SPOCK1: variants seen among roughly 807,000 people sequenced by gnomAD.
SPOCK1 encodes the protein SPARC (osteonectin), cwcv and kazal like domains proteoglycan 1.
A neutral mutation model predicts 55.3 loss-of-function variants in SPOCK1; 23 were observed. The observed-to-expected ratio is 0.42, with a 90% CI of 0.30 to 0.59. SPOCK1 has a LOEUF of 0.59. Among genes scored for constraint, SPOCK1 ranks in the 20% least tolerant of loss-of-function variants. The pLI is 0.22. For missense variants in SPOCK1, 499 were observed against 552.5 expected (o/e 0.90, Z 0.97); for synonymous variants, 226 against 221.0 (o/e 1.02, Z -0.20).
Position 137,140,640 on chromosome 5 carries a change from A to G in SPOCK1, c.287T>C (p.Val96Ala), listed in dbSNP as rs754046274. The G allele has an allele frequency of 3.7e-6, 6 of 1,612,492 alleles. No homozygotes were observed. In the South Asian group the frequency reaches 5.5e-5, roughly 15 times the overall value. The change falls in exon 4 of 11, where the codon GTG becomes GCG. Residue 96 changes from valine to alanine, a missense_variant. Val to Ala is a moderately conservative substitution (Grantham distance 64). Transcript: ENST00000394945. ...CLKVKCSPHK[V>A]CVTQDYQTAL... ...GGTCTGGTAGTCCTGGGTCACACAC[A>G]CTTTGTGAGGGCTGCATTTTACCTT...
intron 5 of SPOCK1, among the ~76,000 whole-genome samples, chr5:137,098,850 C>A (rs1413449164): frequency 6.6e-6 from 1 of 152,328 alleles, no homozygotes; most frequent in South Asian, 2.1e-4. Flanking sequence ...CCACCGGGTC[C>A]ACAGGCTCCA....
At chr5:136,986,829 T>C (rs1214321351) in intron 8 of SPOCK1, among the ~76,000 whole-genome samples, 6 of 152,200 alleles carry the variant, frequency 3.9e-5, no homozygotes, top group Admixed American at 3.9e-4. Context: ...TTCCATATTA[T>C]ACAGCTATTG....
chr5:137,182,439 A>G (rs1371240971), intron 3 of SPOCK1, among the ~76,000 whole-genome samples: 3 of 152,200 alleles, frequency 2.0e-5, no homozygotes, highest in African/African-American at 7.2e-5. Flanking sequence ...TTATTCAACA[A>G]ATATTTGCCA....
chr5:137,320,866 G>A (rs1296194017), intron 2 of SPOCK1, among the ~76,000 whole-genome samples: 1 of 152,108 alleles, frequency 6.6e-6, no homozygotes, highest in Admixed American at 6.5e-5. Context: ...ACAAAGTAAT[G>A]GGGAAACACA....
rs564924138 is a variant in SPOCK1, at chr5:137,259,087, G to T, written c.232+7923C>A. ...CTACTCCTTGGCCCTTTGCAAACAT[G>T]ATCTCTCCACAAATGGCCTACAAGA... On this transcript the variant is annotated intron_variant, in intron 3 of 10. Transcript: ENST00000394945. 3.9e-5 allele frequency among the ~76,000 whole-genome samples: 6 copies of T among 152,266 alleles called. No homozygotes were observed. In the East Asian group the frequency reaches 7.7e-4, roughly 20 times the overall value.
Position 136,977,756 on chromosome 5 carries a change from G to C in SPOCK1, c.*898C>G, listed in dbSNP as rs1030622784. 1.5e-5 allele frequency: 6 copies of C among 398,820 alleles called. No individual in the cohort carries two copies. Among genetic ancestry groups the C allele is most frequent in the African/African-American group, 1.2e-4 (6 of 48,612 alleles). 24.7% of individuals were successfully genotyped at this position (398,820 alleles called of 1,614,324 possible). A position where few individuals can be genotyped will look rare whatever the true frequency, so the allele number is the denominator to read the frequency against. ...GCAGACGGAGGTTTTTTCTCAATCA[G>C]AGGCTTTCAGTAACTCTGCTGATGC... is the stretch of plus-strand genomic sequence containing the variant. On this transcript the variant is annotated 3_prime_UTR_variant, in exon 11 of 11. Transcript: ENST00000394945.
At chr5:137,197,099 T>G (rs188602033) in intron 3 of SPOCK1, among the ~76,000 whole-genome samples, 8 of 152,284 alleles carry the variant, frequency 5.3e-5, no homozygotes, top group Admixed American at 5.2e-4. Flanking sequence ...CTTACACTCT[T>G]TGGATGACTG....
intron 2 of SPOCK1, among the ~76,000 whole-genome samples, chr5:137,335,335 T>C (rs1750234565): frequency 6.6e-6 from 1 of 152,210 alleles, no homozygotes; most frequent in Non-Finnish European, 1.5e-5. Context: ...TCAGCACACA[T>C]TGGCTTCAGA....
intron 4 of SPOCK1, among the ~76,000 whole-genome samples, chr5:137,136,216 T>G (rs4409078): frequency 0.25 from 37,458 of 152,052 alleles, 4,869 homozygotes; most frequent in Non-Finnish European, 0.29. Flanking sequence ...CTTCCAAGAC[T>G]TCTAAAAAAG....
intron 3 of SPOCK1, among the ~76,000 whole-genome samples, chr5:137,217,167 G>A (rs1167412001): frequency 3.9e-5 from 6 of 152,148 alleles, no homozygotes; most frequent in Admixed American, 3.3e-4. Flanking sequence ...TTCATGTACT[G>A]GAGTCTCTTT....
At chr5:137,399,531 AC>A (rs1025031899) in intron 2 of SPOCK1, among the ~76,000 whole-genome samples, 3 of 152,174 alleles carry the variant, frequency 2.0e-5, no homozygotes, top group Admixed American at 6.5e-5. Context: ...AAAAAAAAAA[AC>A]AACCTGTGAC....
rs1459711074 is a variant in SPOCK1, at chr5:137,027,248, G to A, written c.590-34648C>T. Among the ~76,000 whole-genome samples, 4 of 152,290 alleles carry A rather than the reference G, an allele frequency of 2.6e-5. No homozygotes were observed. In the East Asian group the frequency reaches 7.7e-4, roughly 29 times the overall value. On this transcript the variant is annotated intron_variant, in intron 6 of 10. Coordinates refer to ENST00000394945, the MANE Select transcript of SPOCK1 (RefSeq NM_004598.4). ...TTTGAACTTGATTTTTTGTTAGGGGGAAGGAGAGATGACACACAGATAGTG... is the reference window on the plus strand; with the variant it reads ...TTTGAACTTGATTTTTTGTTAGGGGAAAGGAGAGATGACACACAGATAGTG...
chr5:137,383,937 A>G (rs1254044987), intron 2 of SPOCK1, among the ~76,000 whole-genome samples: 1 of 152,158 alleles, frequency 6.6e-6, no homozygotes, highest in African/African-American at 2.4e-5. Flanking sequence ...TCTTTCAAGG[A>G]CCACAAAAGG....
At chr5:137,434,197 A>C (rs1451682460) in intron 2 of SPOCK1, among the ~76,000 whole-genome samples, 1 of 152,230 alleles carries the variant, frequency 6.6e-6, no homozygotes, top group African/African-American at 2.4e-5. Flanking sequence ...AACAGCCTCC[A>C]AATAGGCAGT....
chr5:137,211,105 C>T (rs1328486325), intron 3 of SPOCK1, among the ~76,000 whole-genome samples: 1 of 152,194 alleles, frequency 6.6e-6, no homozygotes, highest in Non-Finnish European at 1.5e-5. Context: ...TAAGAGAAAC[C>T]TCCGAAGCCC....
At chr5:137,293,886 A>G (rs1209152408) in intron 2 of SPOCK1, among the ~76,000 whole-genome samples, 2 of 152,144 alleles carry the variant, frequency 1.3e-5, no homozygotes, top group Non-Finnish European at 2.9e-5. Context: ...GCGTGGTGGC[A>G]TGCGCCTGTA....
intron 5 of SPOCK1, among the ~76,000 whole-genome samples, chr5:137,095,590 G>A (rs993508990): frequency 1.3e-5 from 2 of 152,176 alleles, no homozygotes; most frequent in Admixed American, 1.3e-4. Context: ...ATATAATGGT[G>A]AGCAGCAAAC....
At chr5:137,251,808 T>A (rs1756535243) in intron 3 of SPOCK1, among the ~76,000 whole-genome samples, 1 of 152,218 alleles carries the variant, frequency 6.6e-6, no homozygotes, top group Non-Finnish European at 1.5e-5. Context: ...AGCCCATTCC[T>A]CAGAGATAAT....
chr5:137,453,837 A>C (rs1753310284), intron 2 of SPOCK1, among the ~76,000 whole-genome samples: 2 of 152,154 alleles, frequency 1.3e-5, no homozygotes, highest in South Asian at 4.1e-4. Flanking sequence ...GGGGGTGCAG[A>C]AAATTAAAAG....
Sources: allele counts gnomAD v4.1 joint callset (sites outside exome capture counted in the v4.1 genomes callset), GRCh38; gene constraint gnomAD v4.1.1; transcripts MANE v1.5; gene names NCBI Gene and HGNC (gene_info 2026-07-23, HGNC 2026-07-21).